LINGO2: variants seen among roughly 807,000 people sequenced by gnomAD.
LINGO2 encodes leucine-rich repeat and immunoglobulin-like domain-containing nogo receptor-interacting protein 2.
Under a neutral mutation model 30.6 loss-of-function variants are expected in LINGO2, and 14 were observed. The observed-to-expected ratio is 0.46, with a 90% CI of 0.30 to 0.72. The LOEUF is 0.72. LINGO2 is among the 30% of genes least tolerant of loss of function. The pLI is 0.07. For synonymous variants in LINGO2, 317 were observed against 288.5 expected (o/e 1.10, Z -1.00); for missense variants, 729 against 751.7 (o/e 0.97, Z 0.35).
At chr9:28,207,624 T>G (rs1820452184) in intron 4 of LINGO2, among the ~76,000 whole-genome samples, 1 of 152,118 alleles carries the variant, frequency 6.6e-6, no homozygotes, top group African/African-American at 2.4e-5. Flanking sequence ...TTCTCTTTCT[T>G]CATCCTCACC....
chr9:28,322,495 C>T (rs1365324121), intron 3 of LINGO2, among the ~76,000 whole-genome samples: 2 of 151,400 alleles, frequency 1.3e-5, no homozygotes, highest in East Asian at 3.9e-4. Flanking sequence ...ACAATAAATA[C>T]TTTTTTAAAT....
chr9:29,149,501 G>C, the LINGO2 span, among the ~76,000 whole-genome samples: 3 of 151,784 alleles, frequency 2.0e-5, no homozygotes, highest in Non-Finnish European at 4.4e-5. Context: ...AGTTGATAGA[G>C]AGGCAACGCG....
chr9:28,570,230 T>C (rs1303931765), intron 1 of LINGO2, among the ~76,000 whole-genome samples: 2 of 151,982 alleles, frequency 1.3e-5, no homozygotes, highest in Non-Finnish European at 2.9e-5. Flanking sequence ...TTACCATTTC[T>C]CATAACTGAA....
chr9:28,413,232 C>G (rs915950335), intron 2 of LINGO2, among the ~76,000 whole-genome samples: 1 of 151,986 alleles, frequency 6.6e-6, no homozygotes, highest in African/African-American at 2.4e-5. Context: ...ATAACCCTAA[C>G]CCCCACCCCA....
the LINGO2 span, among the ~76,000 whole-genome samples, chr9:28,921,744 CT>C: frequency 6.6e-6 from 1 of 152,194 alleles, no homozygotes; most frequent in Non-Finnish European, 1.5e-5. Context: ...GTTATTCCAT[CT>C]TGTTCAGTGT....
At chr9:29,188,931 C>G in the LINGO2 span, among the ~76,000 whole-genome samples, 1 of 149,262 alleles carries the variant, frequency 6.7e-6, no homozygotes, top group African/African-American at 2.5e-5. Flanking sequence ...CCCTCACCTC[C>G]CGGACGGGGT....
At chr9:28,769,822 GTTATTC>G in the LINGO2 span, among the ~76,000 whole-genome samples, 1 of 151,412 alleles carries the variant, frequency 6.6e-6, no homozygotes, top group Admixed American at 6.6e-5. Flanking sequence ...CTAAAAGGAT[GTTATTC>G]TTATTCTTAT....
At chr9:28,744,790 C>T in the LINGO2 span, among the ~76,000 whole-genome samples, 6 of 151,682 alleles carry the variant, frequency 4.0e-5, no homozygotes, top group Non-Finnish European at 8.8e-5. Flanking sequence ...GTGCGTGCCA[C>T]CATGCCCAGC....
chr9:28,573,136 A>G (rs1823785371), intron 1 of LINGO2, among the ~76,000 whole-genome samples: 1 of 152,184 alleles, frequency 6.6e-6, no homozygotes, highest in South Asian at 2.1e-4. Context: ...TGAAAGAACC[A>G]AGGACACACA....
At chr9:28,555,537 G>T (rs911442167) in intron 1 of LINGO2, among the ~76,000 whole-genome samples, 3 of 152,142 alleles carry the variant, frequency 2.0e-5, no homozygotes, top group African/African-American at 7.2e-5. Flanking sequence ...TCCAGGACCA[G>T]ATGGATTCAC....
At chr9:28,878,628 A>T in the LINGO2 span, among the ~76,000 whole-genome samples, 1 of 152,242 alleles carries the variant, frequency 6.6e-6, no homozygotes, top group African/African-American at 2.4e-5. Context: ...AATATCAAAA[A>T]GCTTATCCAC....
At chr9:28,735,315 T>A in the LINGO2 span, among the ~76,000 whole-genome samples, 3 of 152,182 alleles carry the variant, frequency 2.0e-5, no homozygotes, top group Admixed American at 1.3e-4. Flanking sequence ...CCATAAATTT[T>A]AAAAATTATA....
intron 2 of LINGO2, among the ~76,000 whole-genome samples, chr9:28,445,894 C>T (rs1489494431): frequency 6.6e-6 from 1 of 152,126 alleles, no homozygotes; most frequent in African/African-American, 2.4e-5. Context: ...TTTACTACCT[C>T]ACATTACTAA....
intron 4 of LINGO2, among the ~76,000 whole-genome samples, chr9:28,097,937 A>T (rs1826295684): frequency 6.6e-6 from 1 of 152,176 alleles, no homozygotes; most frequent in Non-Finnish European, 1.5e-5. Context: ...GTTTAAGGAA[A>T]GTCTGCCAAC....
the LINGO2 span, among the ~76,000 whole-genome samples, chr9:29,155,974 A>T: frequency 6.6e-6 from 1 of 152,106 alleles, no homozygotes; most frequent in South Asian, 2.1e-4. Flanking sequence ...TGTGATTATA[A>T]ACTAGGGATC....
At chr9:29,045,723 T>G in the LINGO2 span, among the ~76,000 whole-genome samples, 1 of 152,150 alleles carries the variant, frequency 6.6e-6, no homozygotes, top group Non-Finnish European at 1.5e-5. Context: ...AATCTGTCAA[T>G]TGCTTAGGGC....
the LINGO2 span, among the ~76,000 whole-genome samples, chr9:29,074,600 T>C: frequency 6.6e-6 from 1 of 151,934 alleles, no homozygotes; most frequent in Non-Finnish European, 1.5e-5. Context: ...ATAGCATGTA[T>C]CAGATTTCAT....
chr9:28,085,709 T>G (rs1825890980), intron 4 of LINGO2, among the ~76,000 whole-genome samples: 1 of 152,028 alleles, frequency 6.6e-6, no homozygotes, highest in Non-Finnish European at 1.5e-5. Flanking sequence ...GGCATCTCAT[T>G]ACCTCTTGAG....
At chr9:29,138,472 T>C in the LINGO2 span, among the ~76,000 whole-genome samples, 1 of 152,144 alleles carries the variant, frequency 6.6e-6, no homozygotes, top group Non-Finnish European at 1.5e-5. Flanking sequence ...CTAAAGAGTA[T>C]ATATTTTATG....
Sources: allele counts gnomAD v4.1 joint callset (sites outside exome capture counted in the v4.1 genomes callset), GRCh38; gene constraint gnomAD v4.1.1; transcripts MANE v1.5; gene names NCBI Gene and HGNC (gene_info 2026-07-23, HGNC 2026-07-21).